The following UNC13C variants were observed in gnomAD, a reference collection of about 807,000 sequenced individuals.
UNC13C encodes unc-13 homolog C.
UNC13C carries 174 observed loss-of-function variants against 245.4 expected under a neutral mutation model. The ratio of observed to expected loss-of-function variants is 0.71; its 90% CI spans 0.63 to 0.80. UNC13C has a LOEUF of 0.80. UNC13C is among the 30% of genes least tolerant of loss of function. The pLI is 0.00. For synonymous variants in UNC13C, 992 were observed against 895.1 expected, an observed-to-expected ratio of 1.11 and a Z score of -1.93; for missense variants, 2,829 against 2,602.9, an observed-to-expected ratio of 1.09 and a Z score of -1.89.
intron 17 of UNC13C, among the ~76,000 whole-genome samples, chr15:54,390,348 GC>G (rs1456179421): frequency 6.6e-6 from 1 of 151,926 alleles, no homozygotes; most frequent in Non-Finnish European, 1.5e-5. Context: ...TTCTCTATAT[GC>G]TTTTCTGTAA....
intron 2 of UNC13C, among the ~76,000 whole-genome samples, chr15:54,080,950 A>G (rs1032731396): frequency 6.6e-6 from 1 of 152,038 alleles, no homozygotes; most frequent in South Asian, 2.1e-4. Context: ...ATTTAGCGCT[A>G]TAAAATTTCC....
chr15:54,574,939 A>G (rs915723944), intron 30 of UNC13C, among the ~76,000 whole-genome samples: 8 of 152,222 alleles, frequency 5.3e-5, no homozygotes, highest in African/African-American at 1.7e-4. Flanking sequence ...ATACTTCAGT[A>G]TGCCTAGTAT....
At chr15:54,320,301 G>T (rs1240145598) in intron 13 of UNC13C, among the ~76,000 whole-genome samples, 1 of 151,910 alleles carries the variant, frequency 6.6e-6, no homozygotes, top group East Asian at 1.9e-4. Context: ...GCTTTCCGAT[G>T]GTGCTAAATT....
intron 2 of UNC13C, among the ~76,000 whole-genome samples, chr15:54,107,246 G>GCTAA (rs1900492828): frequency 6.6e-6 from 1 of 152,048 alleles, no homozygotes; most frequent in African/African-American, 2.4e-5. Context: ...CAATAATTGA[G>GCTAA]CTAAATACAG....
intron 19 of UNC13C, among the ~76,000 whole-genome samples, chr15:54,490,519 G>A (rs915490667): frequency 6.6e-6 from 1 of 152,110 alleles, no homozygotes. Context: ...GAAACAACTC[G>A]AATTGAAGAA....
intron 13 of UNC13C, among the ~76,000 whole-genome samples, chr15:54,318,457 G>A (rs577382134): frequency 1.4e-4 from 21 of 151,640 alleles, no homozygotes; most frequent in Admixed American, 6.6e-4. Flanking sequence ...GGTCTTAATC[G>A]GCATTTCCCT....
chr15:54,469,958 T>A (rs1012634963), intron 19 of UNC13C, among the ~76,000 whole-genome samples: 4 of 151,592 alleles, frequency 2.6e-5, no homozygotes, highest in African/African-American at 9.7e-5. Flanking sequence ...GAGTGGTATG[T>A]TTTATCATAA....
chr15:54,048,056 C>T (rs1054224773), intron 2 of UNC13C, among the ~76,000 whole-genome samples: 2 of 152,144 alleles, frequency 1.3e-5, no homozygotes, highest in Admixed American at 1.3e-4. Context: ...ACGTTAAATA[C>T]ACAGCAAGTG....
Position 54,500,179 on chromosome 15 carries a change from A to C in UNC13C, c.5157+4A>C. 6.3e-7 allele frequency: 1 copy of C among 1,598,998 alleles called. No homozygotes were observed. Among genetic ancestry groups the C allele is most frequent in the Non-Finnish European group, 8.5e-7 (1 of 1,170,180 alleles). Reference sequence around the variant, plus strand: ...GGGAAGAGACAAAAAAGATGGAGTGAGTTTAAATTACCTTAAGAAAGTTCA... The same window carrying C: ...GGGAAGAGACAAAAAAGATGGAGTGCGTTTAAATTACCTTAAGAAAGTTCA... On this transcript the variant is annotated splice_donor_region_variant and intron_variant, in intron 21 of 32. Transcript: ENST00000260323.
chr15:54,227,261 C>T (rs541748335), intron 4 of UNC13C, among the ~76,000 whole-genome samples: 28 of 152,108 alleles, frequency 1.8e-4, no homozygotes, highest in South Asian at 4.1e-4. Flanking sequence ...TGGATGGCCA[C>T]GGGCGGGCCT....
chr15:53,976,495 T>TTTTC (rs397937135), upstream of UNC13C, among the ~76,000 whole-genome samples: 1 of 134,376 alleles, frequency 7.4e-6, no homozygotes, highest in Non-Finnish European at 1.6e-5. Flanking sequence ...TTTTTTTTTT[T>TTTTC]CAGTCTTGCT....
At chr15:54,539,638 G>T (rs535933520) in intron 26 of UNC13C, among the ~76,000 whole-genome samples, 1 of 151,974 alleles carries the variant, frequency 6.6e-6, no homozygotes, top group African/African-American at 2.4e-5. Context: ...AATGCCTTCT[G>T]TTTTTTAGAA....
chr15:54,572,669 G>A (rs1897808501), intron 30 of UNC13C, among the ~76,000 whole-genome samples: 2 of 151,848 alleles, frequency 1.3e-5, no homozygotes, highest in African/African-American at 2.4e-5. Flanking sequence ...CAGGTGATCT[G>A]CCCACGTCAG....
chr15:54,207,249 G>A (rs7170088), intron 4 of UNC13C, among the ~76,000 whole-genome samples: 32,919 of 151,894 alleles, frequency 0.22, 3,734 homozygotes, highest in Middle Eastern at 0.29. Flanking sequence ...CCGGTGAGGG[G>A]TGTTTGCCAT....
At chr15:54,607,568 A>G (rs148112235) in intron 30 of UNC13C, among the ~76,000 whole-genome samples, 8 of 152,254 alleles carry the variant, frequency 5.3e-5, no homozygotes, top group Non-Finnish European at 1.0e-4. Flanking sequence ...GTCCATTCTC[A>G]CACTGCTATA....
intron 2 of UNC13C, among the ~76,000 whole-genome samples, chr15:54,017,484 ATGTGTGTGTGTG>A (rs3985786): frequency 1.4e-5 from 2 of 147,484 alleles, no homozygotes; most frequent in Admixed American, 6.8e-5. Flanking sequence ...GTGCATGAGC[ATGTGTGTGTGTG>A]TGTGTGTGTG....
At chr15:53,934,537 A>G in the UNC13C span, among the ~76,000 whole-genome samples, 1 of 152,222 alleles carries the variant, frequency 6.6e-6, no homozygotes, top group African/African-American at 2.4e-5. Flanking sequence ...AAAGCTACCA[A>G]TTAAAGAGAG....
At chr15:54,258,538 G>T (rs960088885) in intron 8 of UNC13C, among the ~76,000 whole-genome samples, 46 of 151,946 alleles carry the variant, frequency 3.0e-4, no homozygotes, top group Middle Eastern at 6.8e-3. Context: ...TAATTTTTTT[G>T]TATTTTTTTT....
intron 29 of UNC13C, among the ~76,000 whole-genome samples, chr15:54,565,099 C>T (rs1408292545): frequency 6.6e-6 from 1 of 151,988 alleles, no homozygotes; most frequent in Admixed American, 6.6e-5. Context: ...CCAAAGATGT[C>T]ACTTCTTTGG....
Sources: gnomAD v4.1 joint callset for allele counts (sites outside exome capture counted in the v4.1 genomes callset) on GRCh38, gnomAD v4.1.1 for gene constraint, MANE v1.5 for transcripts, NCBI Gene and HGNC (gene_info 2026-07-23, HGNC 2026-07-21) for gene names.